SOAT1: variants seen among roughly 807,000 people sequenced by gnomAD.
SOAT1 encodes the protein acyl-coenzyme A:cholesterol acyltransferase 1.
SOAT1 carries 55 observed loss-of-function variants against 69.5 expected under a neutral mutation model. The ratio of observed to expected loss-of-function variants is 0.79; its 90% CI spans 0.64 to 0.99. The LOEUF is 0.99. Among genes scored for constraint, SOAT1 ranks in the 50% least tolerant of loss-of-function variants. The pLI is 0.00. For synonymous variants in SOAT1, 231 were observed against 224.7 expected (o/e 1.03, Z -0.25); for missense variants, 580 against 669.3 (o/e 0.87, Z 1.47).
chr1:179,335,482 T>C (rs754828868), intron 3 of SOAT1, 24 bp from the exon 4 acceptor site: 2 of 1,597,690 alleles, frequency 1.3e-6, no homozygotes, highest in South Asian at 2.2e-5. Flanking sequence ...GTTCCCCATC[T>C]TTTTCTTTGT....
intron 2 of SOAT1, among the ~76,000 whole-genome samples, chr1:179,318,586 C>G (rs1665477532): frequency 6.6e-6 from 1 of 152,176 alleles, no homozygotes; most frequent in Non-Finnish European, 1.5e-5. Flanking sequence ...CTCCCCAAAA[C>G]CCTGTACCCA....
Position 179,302,663 on chromosome 1 carries a change from A to G in SOAT1, c.-8-14A>G. The G allele has an allele frequency of 6.5e-7, 1 of 1,549,930 alleles. No individual in the cohort carries two copies. Among genetic ancestry groups the G allele is most frequent in the Non-Finnish European group, 8.7e-7 (1 of 1,146,744 alleles). The stretch of plus-strand genomic sequence containing the variant: ...ACGGACTAATACGAAAGCTTTTTAC[A>G]CCTTCTTTCCTAGACAATACAATGG... On this transcript the variant is annotated splice_polypyrimidine_tract_variant and intron_variant, in intron 1 of 15. Transcript: ENST00000367619.
chr1:179,355,237 C>T lies in SOAT1; in HGVS notation c.*1596C>T, dbSNP rs1666869726. 6.6e-6 allele frequency: 1 copy of T among 152,174 alleles called. No individual in the cohort carries two copies. Among genetic ancestry groups the T allele is most frequent in the Non-Finnish European group, 1.5e-5 (1 of 68,030 alleles). 9.4% of individuals were successfully genotyped at this position (152,174 alleles called of 1,614,324 possible). Reference sequence around the variant, plus strand: ...TATTGTAATTGTAATGGAATCATAACCTGCTAACTAGTTTGCTTTAATATG... The same window carrying T: ...TATTGTAATTGTAATGGAATCATAATCTGCTAACTAGTTTGCTTTAATATG... On this transcript the variant is annotated 3_prime_UTR_variant, in exon 16 of 16. Transcript: ENST00000367619.
chr1:179,348,919 T>C lies in SOAT1; in HGVS notation c.1291T>C (p.Tyr431His). The C allele has an allele frequency of 6.2e-7, 1 of 1,602,912 alleles. No homozygotes were observed. Among genetic ancestry groups the C allele is most frequent in the Non-Finnish European group, 8.5e-7 (1 of 1,169,938 alleles). Reference protein sequence around the residue: ...NVVVHDWLYYYAYKDFLWFFS... With the variant: ...NVVVHDWLYYHAYKDFLWFFS... ...GGTGGTCCATGACTGGCTATATTAC[T>C]ATGCTTACAAGGACTTTCTCTGGGT... Residue 431 changes from tyrosine to histidine, a missense_variant, in exon 13 of 16, where the codon TAT becomes CAT. Coordinates refer to ENST00000367619, the MANE Select transcript of SOAT1 (RefSeq NM_003101.6).
In SOAT1 at chr1:179,345,588, G is replaced by A. The variant is rs1666501805; in HGVS notation, c.1117+512G>A. 3.3e-5 allele frequency among the ~76,000 whole-genome samples: 5 copies of A among 149,260 alleles called. No homozygotes were observed. In the Admixed American group the frequency reaches 3.6e-4, roughly 11 times the overall value. On this transcript the variant is annotated intron_variant, in intron 11 of 15. Transcript: ENST00000367619. ...CTTGCCTTTTTTTTTTTTGAAATCG[G>A]GTCTCTCTTTGTCACCCAGTCTGAA... is the stretch of plus-strand genomic sequence containing the variant.
At chr1:179,297,867 G>A (rs905937801) in intron 1 of SOAT1, among the ~76,000 whole-genome samples, 19 of 151,530 alleles carry the variant, frequency 1.3e-4, no homozygotes, top group Admixed American at 7.2e-4. Context: ...AATTAGCTGG[G>A]TGTGGTGGCC....
intron 1 of SOAT1, among the ~76,000 whole-genome samples, chr1:179,299,894 C>G (rs1664776471): frequency 6.6e-6 from 1 of 150,970 alleles, no homozygotes; most frequent in Non-Finnish European, 1.5e-5. Flanking sequence ...GCTGGGACTA[C>G]AGGCGCCTGC....
chr1:179,294,358 C>T (rs1664556105), intron 1 of SOAT1: 1 of 152,126 alleles, frequency 6.6e-6, no homozygotes, highest in Admixed American at 6.5e-5. Flanking sequence ...GGCACCAGAA[C>T]CTTTAATCAA....
At chr1:179,317,532 CAA>C (rs61402247) in intron 2 of SOAT1, among the ~76,000 whole-genome samples, 8 of 106,346 alleles carry the variant, frequency 7.5e-5, no homozygotes, top group Non-Finnish European at 1.1e-4. Flanking sequence ...GACTCCGTCT[CAA>C]AAAAAAAAAA....
intron 8 of SOAT1, 61 bp from the exon 9 acceptor site, chr1:179,342,801 C>CCT: frequency 8.6e-7 from 1 of 1,169,344 alleles, no homozygotes; most frequent in South Asian, 1.2e-5. Context: ...ATATTCCCCC[C>CCT]TGTATTTTTG....
chr1:179,344,913 T>C, intron 10 of SOAT1, 34 bp from the exon 11 acceptor site: 1 of 1,611,110 alleles, frequency 6.2e-7, no homozygotes, highest in East Asian at 2.2e-5. Context: ...TATTAAGCCA[T>C]CGTTATTATA....
chr1:179,323,047 T>TC (rs1553245425), intron 2 of SOAT1, among the ~76,000 whole-genome samples: 1 of 147,188 alleles, frequency 6.8e-6, no homozygotes, highest in African/African-American at 2.5e-5. Flanking sequence ...TTTTCTTTCT[T>TC]TTTTTTTTTT....
chr1:179,337,065 G>A (rs12039261), intron 4 of SOAT1, among the ~76,000 whole-genome samples: 36,234 of 151,866 alleles, frequency 0.24, 4,524 homozygotes, highest in East Asian at 0.46. Flanking sequence ...AGTACAATGC[G>A]ATTAGTATAT....
At chr1:179,320,444 T>C (rs192537283) in intron 2 of SOAT1, among the ~76,000 whole-genome samples, 11 of 151,510 alleles carry the variant, frequency 7.3e-5, no homozygotes, top group African/African-American at 2.7e-4. Flanking sequence ...GCTTTGTTAT[T>C]TTTTTTTTCA....
At chr1:179,322,434 G>A (rs1206581938) in intron 2 of SOAT1, among the ~76,000 whole-genome samples, 9 of 151,146 alleles carry the variant, frequency 6.0e-5, no homozygotes, top group Non-Finnish European at 7.4e-5. Context: ...CCAGGCTGGC[G>A]TGCAGTGGCG....
At chr1:179,346,545 C>A (rs1164196427) in intron 11 of SOAT1, among the ~76,000 whole-genome samples, 2 of 152,174 alleles carry the variant, frequency 1.3e-5, no homozygotes, top group Non-Finnish European at 2.9e-5. Flanking sequence ...ATGGAGCATT[C>A]TGGAATGGCA....
At chr1:179,347,744 C>T (rs1410113308) in intron 12 of SOAT1, 47 bp downstream of exon 12, 2 of 1,065,788 alleles carry the variant, frequency 1.9e-6, no homozygotes, top group African/African-American at 3.2e-5. Flanking sequence ...TTATTAACTT[C>T]TTCATTATTA....
intron 4 of SOAT1, among the ~76,000 whole-genome samples, chr1:179,337,019 C>CG (rs1666184255): frequency 6.6e-6 from 1 of 151,664 alleles, no homozygotes; most frequent in Non-Finnish European, 1.5e-5. Context: ...CATATCATTA[C>CG]GTGCCTCTCT....
At position 179,341,223 on chromosome 1, in the gene SOAT1, G is replaced by A. The variant is rs1222354594; in HGVS notation, c.693G>A (p.Gln231=). 1 of 1,614,108 alleles carries A rather than the reference G, an allele frequency of 6.2e-7. No individual in the cohort carries two copies. Among genetic ancestry groups the A allele is most frequent in the African/African-American group, 1.3e-5 (1 of 75,014 alleles). The stretch of plus-strand genomic sequence containing the variant: ...ATGGCTTTCTTTTCATGATCTTCCA[G>A]ATTGGAGTTCTAGGTTTTGGACCAA... ...LFHGFLFMIF[Q]IGVLGFGPTY... The change falls in exon 7 of 16, where the codon CAG becomes CAA. Residue 231 remains glutamine, a synonymous_variant. Coordinates refer to ENST00000367619, the MANE Select transcript of SOAT1 (RefSeq NM_003101.6).
Sources: gnomAD v4.1 joint callset for allele counts (sites outside exome capture counted in the v4.1 genomes callset) on GRCh38, gnomAD v4.1.1 for gene constraint, MANE v1.5 for transcripts, NCBI Gene and HGNC (gene_info 2026-07-23, HGNC 2026-07-21) for gene names.